The following DMD variants were observed in gnomAD, a reference collection of about 807,000 sequenced individuals.
The protein encoded by DMD is mutant dystrophin.
In DMD, 63 loss-of-function variants were observed where a neutral mutation model predicts 330.1. The ratio of observed to expected loss-of-function variants is 0.19; its 90% CI spans 0.16 to 0.24. DMD has a LOEUF of 0.24. Ranked by LOEUF, DMD falls within the 10% of genes least tolerant of loss-of-function variation. The pLI is 1.00. For synonymous variants in DMD, 1,223 were observed against 959.8 expected, an observed-to-expected ratio of 1.27 and a Z score of -5.07; for missense variants, 3,344 against 2,684.1, an observed-to-expected ratio of 1.25 and a Z score of -5.43.
chrX:32,559,841 T>C (rs1038314790), intron 16 of DMD, among the ~76,000 whole-genome samples: 1 of 111,670 alleles, frequency 9.0e-6, no homozygotes, highest in Non-Finnish European at 1.9e-5. Flanking sequence ...GCACACATAA[T>C]AAATCTCTCA....
chrX:31,337,154 A>C (rs1014657584), intron 61 of DMD, among the ~76,000 whole-genome samples: 1 of 109,020 alleles, frequency 9.2e-6, no homozygotes, highest in African/African-American at 3.3e-5. Context: ...CCAACTCCTG[A>C]CCTCGTGATC....
chrX:32,533,314 T>C (rs2047649135), intron 17 of DMD, among the ~76,000 whole-genome samples: 1 of 111,852 alleles, frequency 8.9e-6, no homozygotes, highest in Admixed American at 9.5e-5. Context: ...AACCTACCTT[T>C]TCAACCTCAT....
intron 44 of DMD, among the ~76,000 whole-genome samples, chrX:32,136,368 C>T (rs1471980440): frequency 8.9e-6 from 1 of 112,293 alleles, no homozygotes; most frequent in Non-Finnish European, 1.9e-5. Context: ...AGAATAATAT[C>T]ATTGTTGTCA....
chrX:32,894,993 C>T (rs980016882), intron 2 of DMD, among the ~76,000 whole-genome samples: 6 of 112,075 alleles, frequency 5.4e-5, no homozygotes, highest in African/African-American at 1.9e-4. Flanking sequence ...AGTGTTCCAG[C>T]GTGTTCAAGT....
chrX:32,159,772 C>T (rs987241432), intron 44 of DMD, among the ~76,000 whole-genome samples: 14 of 111,761 alleles, frequency 1.3e-4, no homozygotes, highest in African/African-American at 4.6e-4. Flanking sequence ...AACTAAGGGT[C>T]TAAACAGTCT....
intron 4 of DMD, among the ~76,000 whole-genome samples, chrX:32,835,441 CAACT>C (rs1210882130): frequency 8.9e-6 from 1 of 112,627 alleles, no homozygotes; most frequent in African/African-American, 3.2e-5. Context: ...AAATCACAAC[CAACT>C]ATTACAAATG....
At chrX:32,482,159 A>G (rs1247288123) in intron 21 of DMD, among the ~76,000 whole-genome samples, 3 of 112,088 alleles carry the variant, frequency 2.7e-5, no homozygotes, top group Non-Finnish European at 3.8e-5. Flanking sequence ...ACATTAAGAA[A>G]TAAGGTTTCA....
At chrX:31,301,637 T>A (rs1348868876) in intron 62 of DMD, among the ~76,000 whole-genome samples, 1 of 112,313 alleles carries the variant, frequency 8.9e-6, no homozygotes, top group Non-Finnish European at 1.9e-5. Flanking sequence ...TGACATGACA[T>A]TTGGGTGGAG....
chrX:32,302,632 AAC>A (rs1208771942), intron 42 of DMD, among the ~76,000 whole-genome samples: 1 of 111,835 alleles, frequency 8.9e-6, no homozygotes, highest in Non-Finnish European at 1.9e-5. Flanking sequence ...TATAATGTTT[AAC>A]ACATTCTTAA....
chrX:33,151,520 G>A (rs2048284128), intron 1 of DMD, among the ~76,000 whole-genome samples: 1 of 111,936 alleles, frequency 8.9e-6, no homozygotes, highest in Non-Finnish European at 1.9e-5. Context: ...ATTTTATTTA[G>A]ATATGAGAGA....
chrX:31,800,221 G>A (rs1312314741), intron 50 of DMD, among the ~76,000 whole-genome samples: 2 of 112,674 alleles, frequency 1.8e-5, no homozygotes. Context: ...CCAGCAGAGA[G>A]GTTTTCCATG....
intron 11 of DMD, among the ~76,000 whole-genome samples, chrX:32,621,497 T>C (rs772869875): frequency 2.5e-4 from 28 of 110,391 alleles, no homozygotes; most frequent in South Asian, 1.2e-3. Flanking sequence ...TTTTTTTTTT[T>C]TCTCTTAATA....
intron 1 of DMD, among the ~76,000 whole-genome samples, chrX:33,247,203 T>G (rs2052680284): frequency 8.9e-6 from 1 of 111,824 alleles, no homozygotes; most frequent in African/African-American, 3.2e-5. Flanking sequence ...GAATCAGTCC[T>G]TTAAGTAAGA....
intron 44 of DMD, among the ~76,000 whole-genome samples, chrX:32,010,606 C>T (rs982798505): frequency 1.3e-4 from 15 of 111,682 alleles, no homozygotes; most frequent in African/African-American, 4.9e-4. Context: ...CGTCACTGCA[C>T]AATCTCCACC....
At chrX:31,148,799 G>A (rs1298291079) in intron 74 of DMD, among the ~76,000 whole-genome samples, 1 of 111,989 alleles carries the variant, frequency 8.9e-6, no homozygotes, top group African/African-American at 3.2e-5. Context: ...TTACTGGCAA[G>A]GTTAGACTTC....
intron 9 of DMD, among the ~76,000 whole-genome samples, chrX:32,679,577 A>G (rs2147296267): frequency 9.0e-6 from 1 of 111,470 alleles, no homozygotes; most frequent in East Asian, 2.8e-4. Context: ...ATTTAACAGA[A>G]GGAATCTTAA....
At chrX:33,256,454 C>A (rs1238015929) in intron 1 of DMD, among the ~76,000 whole-genome samples, 2 of 110,220 alleles carry the variant, frequency 1.8e-5, no homozygotes, top group Non-Finnish European at 1.9e-5. Context: ...CCTAGAAAAG[C>A]GTGGCTTCTA....
chrX:32,443,404 T>A (rs1315674902), intron 27 of DMD, among the ~76,000 whole-genome samples: 3 of 111,105 alleles, frequency 2.7e-5, no homozygotes, highest in Non-Finnish European at 5.7e-5. Context: ...CTTTAAAAGG[T>A]GATAGAAATC....
chrX:32,815,520 T>TATATATATATATATATATAATATATAC, intron 6 of DMD, among the ~76,000 whole-genome samples: 1 of 78,959 alleles, frequency 1.3e-5, no homozygotes, highest in African/African-American at 5.3e-5. Flanking sequence ...TATATATATA[T>TATATATATATATATATATAATATATAC]ACACACACAC....
Sources: gnomAD v4.1 joint callset for allele counts (sites outside exome capture counted in the v4.1 genomes callset) on GRCh38, gnomAD v4.1.1 for gene constraint, MANE v1.5 for transcripts, NCBI Gene and HGNC (gene_info 2026-07-23, HGNC 2026-07-21) for gene names.